Variants in TDRD3 observed in about 807,000 individuals in gnomAD.
TDRD3 encodes the protein tudor domain containing 3.
In TDRD3, 45 loss-of-function variants were observed where a neutral mutation model predicts 86.7. The ratio of observed to expected loss-of-function variants is 0.52; its 90% CI spans 0.41 to 0.67. TDRD3 has a LOEUF of 0.67. Among genes scored for constraint, TDRD3 ranks in the 30% least tolerant of loss-of-function variants. The probability of loss-of-function intolerance (pLI) is 0.00; values close to 1 mark genes in which losing one functional copy is unlikely to be tolerated. For missense variants in TDRD3, 814 were observed against 889.0 expected (o/e 0.92, Z 1.07); for synonymous variants, 298 against 301.7 (o/e 0.99, Z 0.13).
chr13:60,469,170 T>A (rs1044826110), intron 5 of TDRD3, among the ~76,000 whole-genome samples: 9 of 152,150 alleles, frequency 5.9e-5, no homozygotes, highest in African/African-American at 1.7e-4. Flanking sequence ...AAAAAAGTAA[T>A]TCAGAAGTAG....
intron 10 of TDRD3, among the ~76,000 whole-genome samples, 178 bp downstream of exon 10, chr13:60,510,933 T>C (rs1957046432): frequency 6.6e-6 from 1 of 152,088 alleles, no homozygotes; most frequent in Non-Finnish European, 1.5e-5. Flanking sequence ...GAAAACATAA[T>C]GGCAGCTTAT....
chr13:60,431,616 T>C (rs1308281980), intron 1 of TDRD3, among the ~76,000 whole-genome samples: 6 of 151,222 alleles, frequency 4.0e-5, no homozygotes, highest in African/African-American at 1.5e-4. Flanking sequence ...TAGAAGAAGA[T>C]TCTTAAATAG....
At chr13:60,529,818 G>T (rs1167635471) in intron 11 of TDRD3, among the ~76,000 whole-genome samples, 1 of 152,112 alleles carries the variant, frequency 6.6e-6, no homozygotes, top group Non-Finnish European at 1.5e-5. Flanking sequence ...GTAGGGGAAA[G>T]AAGGAAGGAA....
intron 1 of TDRD3, among the ~76,000 whole-genome samples, chr13:60,400,642 G>A (rs1344841375): frequency 6.6e-6 from 1 of 151,942 alleles, no homozygotes; most frequent in Non-Finnish European, 1.5e-5. Context: ...TGAGGCTGAG[G>A]CAGGAGAATC....
intron 5 of TDRD3, among the ~76,000 whole-genome samples, chr13:60,476,080 T>C (rs913593591): frequency 2.0e-5 from 3 of 152,182 alleles, no homozygotes; most frequent in Non-Finnish European, 4.4e-5. Flanking sequence ...TTTGTTACAG[T>C]TGCTCTTGAG....
chr13:60,550,667 G>A (rs1313187990), intron 12 of TDRD3, among the ~76,000 whole-genome samples: 1 of 151,946 alleles, frequency 6.6e-6, no homozygotes, highest in Non-Finnish European at 1.5e-5. Context: ...CAGATGAATT[G>A]TAAAATCACT....
intron 8 of TDRD3, among the ~76,000 whole-genome samples, chr13:60,508,364 A>C (rs1338186734): frequency 2.6e-5 from 4 of 152,216 alleles, no homozygotes; most frequent in African/African-American, 9.6e-5. Flanking sequence ...CGTGACTTCA[A>C]ACTATACTAA....
At chr13:60,455,332 A>G (rs534128205) in intron 3 of TDRD3, among the ~76,000 whole-genome samples, 1 of 152,242 alleles carries the variant, frequency 6.6e-6, no homozygotes, top group Admixed American at 6.5e-5. Flanking sequence ...TCAGGCTTTT[A>G]AAGCAGCTAT....
upstream of TDRD3, among the ~76,000 whole-genome samples, chr13:60,396,136 C>T (rs554331165): frequency 2.7e-3 from 415 of 152,330 alleles, 2 homozygotes; most frequent in African/African-American, 9.2e-3. Flanking sequence ...GCAGTCTCTG[C>T]TCCAAGTCTG....
chr13:60,455,249 A>G (rs1341622268), intron 3 of TDRD3, among the ~76,000 whole-genome samples: 4 of 152,210 alleles, frequency 2.6e-5, no homozygotes, highest in African/African-American at 9.7e-5. Context: ...TGTTGAAATG[A>G]TACTAAGAGA....
chr13:60,471,495 GTATTGA>G (rs1956075301), intron 5 of TDRD3, among the ~76,000 whole-genome samples: 2 of 151,672 alleles, frequency 1.3e-5, no homozygotes, highest in Non-Finnish European at 2.9e-5. Flanking sequence ...TGGCTATTCA[GTATTGA>G]GATTCCTTAT....
At chr13:60,569,784 C>G (rs1958541288) in intron 13 of TDRD3, among the ~76,000 whole-genome samples, 1 of 152,150 alleles carries the variant, frequency 6.6e-6, no homozygotes, top group African/African-American at 2.4e-5. Flanking sequence ...ACAGCCAACT[C>G]ATTCTTGACA....
At chr13:60,464,127 A>G (rs1955862329) in intron 4 of TDRD3, among the ~76,000 whole-genome samples, 1 of 152,172 alleles carries the variant, frequency 6.6e-6, no homozygotes, top group Non-Finnish European at 1.5e-5. Flanking sequence ...AACCCTCACC[A>G]GAATTGGATG....
At chr13:60,494,888 T>C (rs1269912406) in intron 8 of TDRD3, among the ~76,000 whole-genome samples, 1 of 152,242 alleles carries the variant, frequency 6.6e-6, no homozygotes. Context: ...CTTCCCCACA[T>C]CTTTTGTCAA....
chr13:60,529,060 T>C lies in TDRD3; in HGVS notation c.1835T>C (p.Val612Ala). 1.2e-6 allele frequency: 2 copies of C among 1,614,000 alleles called. No individual in the cohort carries two copies. Among genetic ancestry groups the C allele is most frequent in the South Asian group, 2.2e-5 (2 of 91,072 alleles). Reference sequence around the variant, plus strand: ...AAGCCAGCAGGACCTGTCACAGCTGTACCCTGTGATGATAAAATATTTTAC... The same window carrying C: ...AAGCCAGCAGGACCTGTCACAGCTGCACCCTGTGATGATAAAATATTTTAC... ...PIKPAGPVTA[V>A]PCDDKIFYNS... The change falls in exon 11 of 14, where the codon GTA becomes GCA. Residue 612 changes from valine (V) to alanine (A), a missense_variant. Val to Ala is a moderately conservative substitution (Grantham distance 64, BLOSUM62 0). Transcript: ENST00000377881.
Position 60,466,972 on chromosome 13 carries a change from GTGTTTTTT to G in TDRD3, c.354-251_354-244del, listed in dbSNP as rs962165825. ...TTGGGAAAGAGCTTCAAATGTGTGT[GTGTTTTTT>G]TGTTTTTTTGTTTTAAGTTTCAGGG... On this transcript the variant is annotated intron_variant, in intron 4 of 13. Coordinates refer to ENST00000377881, the MANE Select transcript of TDRD3 (RefSeq NM_001146070.2). Among the ~76,000 whole-genome samples the G allele has an allele frequency of 2.2e-4, 33 of 151,158 alleles. 1 individual carries two copies. Among genetic ancestry groups the G allele is most frequent in the African/African-American group, 7.5e-4 (31 of 41,362 alleles).
At chr13:60,449,544 T>C (rs1019811681) in intron 3 of TDRD3, among the ~76,000 whole-genome samples, 3 of 152,130 alleles carry the variant, frequency 2.0e-5, no homozygotes, top group African/African-American at 7.2e-5. Flanking sequence ...CCACATACTT[T>C]CCTTGTATTC....
chr13:60,552,678 TC>T (rs1958094709), intron 12 of TDRD3, among the ~76,000 whole-genome samples: 2 of 152,214 alleles, frequency 1.3e-5, no homozygotes, highest in Non-Finnish European at 2.9e-5. Flanking sequence ...GAGGGCTCTG[TC>T]CCTGCAGCAG....
At chr13:60,490,886 G>A (rs1956571327) in intron 7 of TDRD3, among the ~76,000 whole-genome samples, 1 of 152,242 alleles carries the variant, frequency 6.6e-6, no homozygotes, top group East Asian at 1.9e-4. Context: ...GGGAGGCTGA[G>A]GTGGGCAGAT....
Sources: gnomAD v4.1 joint callset for allele counts (sites outside exome capture counted in the v4.1 genomes callset) on GRCh38, gnomAD v4.1.1 for gene constraint, MANE v1.5 for transcripts, NCBI Gene and HGNC (gene_info 2026-07-23, HGNC 2026-07-21) for gene names.